CD86: variants seen among roughly 807,000 people sequenced by gnomAD.
CD86 encodes the protein T-lymphocyte activation antigen CD86.
In CD86, 11 loss-of-function variants were observed where a neutral mutation model predicts 32.1. The observed-to-expected ratio is 0.34, with a 90% CI of 0.22 to 0.57. The LOEUF is 0.57. Among genes scored for constraint, CD86 ranks in the 20% least tolerant of loss-of-function variants. The pLI, the probability that CD86 is intolerant of heterozygous loss-of-function variation, is 0.86. For missense variants in CD86, 359 were observed against 398.4 expected (o/e 0.90, Z 0.84); for synonymous variants, 137 against 135.3 (o/e 1.01, Z -0.09).
Position 122,119,487 on chromosome 3 carries a change from A to G in CD86, c.943A>G (p.Lys315Glu). ...ATCTGATGAAGCCCAGCGTGTTTTT[A>G]AAAGTTCGAAGACATCTTCATGCGA... ...ERSDEAQRVF[K>E]SSKTSSCDKS... Residue 315 changes from lysine to glutamate, a missense_variant, in exon 7 of 7, where the codon AAA becomes GAA. Physicochemically the swap from Lys to Glu is moderately conservative, Grantham distance 56 (BLOSUM62 1). Transcript: ENST00000330540. The G allele has an allele frequency of 6.2e-7, 1 of 1,611,974 alleles. No individual in the cohort carries two copies. The highest frequency in any genetic ancestry group is 2.2e-5 in the East Asian group (1 of 44,852).
At chr3:122,109,434 A>G in intron 5 of CD86, 26 bp downstream of exon 5, 1 of 1,613,542 alleles carries the variant, frequency 6.2e-7, no homozygotes, top group Non-Finnish European at 8.5e-7. Flanking sequence ...TCCTCCCCAC[A>G]GACTGTCACT....
In CD86 at chr3:122,120,146, T is replaced by C. The variant is rs892119361; in HGVS notation, c.*612T>C. 1.3e-5 allele frequency: 2 copies of C among 152,288 alleles called. No individual in the cohort carries two copies. The highest frequency in any genetic ancestry group is 6.5e-5 in the Admixed American group (1 of 15,278). The allele number at this position is 152,288 out of a possible 1,614,324, so 9.4% of individuals were successfully genotyped here. A position where few individuals can be genotyped will look rare whatever the true frequency, so the allele number is the denominator to read the frequency against. On this transcript the variant is annotated 3_prime_UTR_variant, in exon 7 of 7. Coordinates refer to ENST00000330540, the MANE Select transcript of CD86 (RefSeq NM_175862.5). ...CAGTAAGGAAAACGGTGGCCTAGGG[T>C]ACAGGCAACAATGAGCAGACCAACC...
chr3:122,101,491 T>C (rs1283559714), intron 2 of CD86, among the ~76,000 whole-genome samples: 1 of 58,846 alleles, frequency 1.7e-5, no homozygotes, highest in Non-Finnish European at 2.8e-5. Flanking sequence ...TGTGAGGCTC[T>C]ACAGAAAAAA....
intron 1 of CD86, among the ~76,000 whole-genome samples, chr3:122,056,108 A>G (rs1003236108): frequency 9.9e-5 from 15 of 152,116 alleles, no homozygotes; most frequent in African/African-American, 3.1e-4. Context: ...ATTCTTCACA[A>G]TGACTTTTGG....
At chr3:122,101,703 A>G (rs2073012584) in intron 2 of CD86, among the ~76,000 whole-genome samples, 1 of 151,812 alleles carries the variant, frequency 6.6e-6, no homozygotes, top group Non-Finnish European at 1.5e-5. Flanking sequence ...TTACATGACA[A>G]TTTAGACTAA....
chr3:122,056,168 A>T (rs1285204010), intron 1 of CD86, among the ~76,000 whole-genome samples: 1 of 151,980 alleles, frequency 6.6e-6, no homozygotes, highest in Non-Finnish European at 1.5e-5. Flanking sequence ...GGCTTAAAAA[A>T]CTTGCCCAAG....
chr3:122,081,453 T>G (rs544034940), intron 1 of CD86, among the ~76,000 whole-genome samples: 2 of 152,352 alleles, frequency 1.3e-5, no homozygotes, highest in African/African-American at 4.8e-5. Flanking sequence ...ATCAGTTCTT[T>G]GAGACCCATT....
chr3:122,118,116 T>G (rs2073283464), intron 6 of CD86, 23 bp downstream of exon 6: 1 of 1,443,634 alleles, frequency 6.9e-7, no homozygotes, highest in Non-Finnish European at 9.1e-7. Context: ...CCTGAGACAT[T>G]GATGAGAGAG....
chr3:122,088,182 C>CTTTTTTTT (rs60476471), intron 1 of CD86, among the ~76,000 whole-genome samples: 1 of 113,358 alleles, frequency 8.8e-6, no homozygotes, highest in African/African-American at 3.3e-5. Flanking sequence ...AAAGGGCCCT[C>CTTTTTTTT]TTTTTTTTTT....
chr3:122,104,944 G>A (rs1384103143), intron 3 of CD86, among the ~76,000 whole-genome samples: 1 of 152,230 alleles, frequency 6.6e-6, no homozygotes, highest in Non-Finnish European at 1.5e-5. Flanking sequence ...ATACCCAGGT[G>A]TGGTATTACT....
At chr3:122,093,522 G>T (rs1262265770) in intron 2 of CD86, among the ~76,000 whole-genome samples, 1 of 152,160 alleles carries the variant, frequency 6.6e-6, no homozygotes, top group East Asian at 1.9e-4. Context: ...CTACAAGCCT[G>T]CACAGCATGT....
rs544392383 is a variant in CD86 at position 122,091,072 on chromosome 3, C to T, written c.15-529C>T. On this transcript the variant is annotated intron_variant, in intron 1 of 6. Transcript: ENST00000330540. ...ATACTAACCGATTGCCCCCATCATG[C>T]CTGTTATGTTGGTCAAGATAAATAA... Among the ~76,000 whole-genome samples, 32 of 152,296 alleles carry T rather than the reference C, an allele frequency of 2.1e-4. No homozygotes were observed. The South Asian group carries it at 6.0e-3, about 29-fold the overall frequency.
chr3:122,059,292 G>C (rs570266016), intron 1 of CD86, among the ~76,000 whole-genome samples: 2 of 152,256 alleles, frequency 1.3e-5, no homozygotes, highest in South Asian at 4.1e-4. Flanking sequence ...ACAGAACCTG[G>C]AAAACCTTGA....
intron 1 of CD86, 49 bp from the exon 2 acceptor site, chr3:122,091,552 T>C: frequency 6.9e-7 from 1 of 1,454,098 alleles, no homozygotes; most frequent in Non-Finnish European, 9.6e-7. Context: ...ACATCGGTTT[T>C]CAGTTTCCTT....
chr3:122,108,077 C>T (rs115087216), intron 4 of CD86, among the ~76,000 whole-genome samples: 1,534 of 152,352 alleles, frequency 0.01, 25 homozygotes, highest in African/African-American at 0.035. Context: ...CTCCCATAGT[C>T]TACAAATTAA....
chr3:122,056,000 T>G (rs2072227897), intron 1 of CD86, among the ~76,000 whole-genome samples: 1 of 151,880 alleles, frequency 6.6e-6, no homozygotes, highest in Admixed American at 6.6e-5. Context: ...CTGGGCAGGG[T>G]TGGGTAGTGG....
At chr3:122,112,478 A>G (rs980915311) in intron 5 of CD86, among the ~76,000 whole-genome samples, 1 of 151,954 alleles carries the variant, frequency 6.6e-6, no homozygotes, top group Admixed American at 6.6e-5. Context: ...CACCAAGCCC[A>G]GGTAATTTTT....
intron 1 of CD86, among the ~76,000 whole-genome samples, chr3:122,089,277 A>T (rs1004249074): frequency 8.5e-5 from 13 of 152,350 alleles, no homozygotes; most frequent in Admixed American, 3.3e-4. Flanking sequence ...ATGTGAATGT[A>T]TTTCATACCA....
rs892119361 is a variant in CD86, at chr3:122,120,146, T to A, written c.*612T>A. 2 of 152,288 alleles carry A rather than the reference T, an allele frequency of 1.3e-5. No individual in the cohort carries two copies. 9.4% of individuals were successfully genotyped at this position (152,288 alleles called of 1,614,324 possible). A position where few individuals can be genotyped will look rare whatever the true frequency, so the allele number is the denominator to read the frequency against. On this transcript the variant is annotated 3_prime_UTR_variant, in exon 7 of 7. Transcript: ENST00000330540. ...CAGTAAGGAAAACGGTGGCCTAGGG[T>A]ACAGGCAACAATGAGCAGACCAACC...
Sources: allele counts gnomAD v4.1 joint callset (sites outside exome capture counted in the v4.1 genomes callset), GRCh38; gene constraint gnomAD v4.1.1; transcripts MANE v1.5; gene names NCBI Gene and HGNC (gene_info 2026-07-23, HGNC 2026-07-21).